The following DISC1 variants were observed in gnomAD, a reference collection of about 807,000 sequenced individuals.
DISC1 encodes DISC1 scaffold protein.
Under a neutral mutation model 84.5 loss-of-function variants are expected in DISC1, and 57 were observed. That is an observed-to-expected ratio of 0.67 (90% CI 0.55 to 0.84). The LOEUF is 0.84. Ranked by LOEUF, DISC1 falls within the 40% of genes least tolerant of loss-of-function variation. DISC1 has a pLI of 0.00. For missense variants in DISC1, 1,000 were observed against 1,057.8 expected (o/e 0.95, Z 0.76); for synonymous variants, 411 against 415.2 (o/e 0.99, Z 0.12).
intron 3 of DISC1, among the ~76,000 whole-genome samples, chr1:231,745,986 T>C (rs12066910): frequency 0.25 from 38,510 of 152,094 alleles, 5,399 homozygotes; most frequent in East Asian, 0.43. Context: ...TGCCACGTGA[T>C]GTGCCTGCTC....
At position 231,846,020 on chromosome 1, in the gene DISC1, A is replaced by C. The variant is rs141823047; in HGVS notation, c.1981+27503A>C. 5.5e-3 allele frequency among the ~76,000 whole-genome samples: 839 copies of C among 152,208 alleles called. 5 individuals are homozygous for C. The highest frequency in any genetic ancestry group is 0.019 in the African/African-American group (783 of 41,534). On this transcript the variant is annotated intron_variant, in intron 9 of 12. Coordinates refer to ENST00000439617, the MANE Select transcript of DISC1 (RefSeq NM_018662.3). ...GAAGGGGGATGTCCCAGATGAGAGC[A>C]ATGAGAAGGACAGCTTGGGGTGAAG...
chr1:231,835,548 G>A (rs2125838708), intron 9 of DISC1, among the ~76,000 whole-genome samples: 1 of 152,262 alleles, frequency 6.6e-6, no homozygotes, highest in African/African-American at 2.4e-5. Context: ...CACTTCTTTT[G>A]TGGTGGAATG....
intron 10 of DISC1, among the ~76,000 whole-genome samples, chr1:231,962,585 C>G (rs560472761): frequency 6.6e-6 from 1 of 152,004 alleles, no homozygotes; most frequent in African/African-American, 2.4e-5. Context: ...ATCAAGGTGC[C>G]GGTATAAAAG....
chr1:231,973,101 C>T (rs1662251725), intron 10 of DISC1, among the ~76,000 whole-genome samples: 1 of 146,654 alleles, frequency 6.8e-6, no homozygotes, highest in African/African-American at 2.5e-5. Context: ...GGCTGGAGTG[C>T]AGTGGTGTAA....
At chr1:231,831,598 T>C (rs1157381751) in intron 9 of DISC1, among the ~76,000 whole-genome samples, 2 of 152,338 alleles carry the variant, frequency 1.3e-5, no homozygotes, top group African/African-American at 4.8e-5. Flanking sequence ...ATCTGACGCC[T>C]TTTGATGGCC....
intron 9 of DISC1, among the ~76,000 whole-genome samples, chr1:231,930,348 C>G (rs11122376): frequency 0.17 from 25,323 of 152,076 alleles, 2,313 homozygotes; most frequent in Non-Finnish European, 0.21. Flanking sequence ...TCTTTTCACC[C>G]TAACATTTCC....
At chr1:231,969,105 G>A (rs186921719) in intron 10 of DISC1, among the ~76,000 whole-genome samples, 8 of 151,704 alleles carry the variant, frequency 5.3e-5, no homozygotes, top group Admixed American at 4.6e-4. Context: ...TGAAATTGTG[G>A]GGAGCAGAGA....
intron 4 of DISC1, among the ~76,000 whole-genome samples, chr1:231,763,044 C>T (rs2075893540): frequency 6.6e-6 from 1 of 152,206 alleles, no homozygotes; most frequent in South Asian, 2.1e-4. Context: ...CACTGCCCTG[C>T]TGATAGCCAC....
intron 9 of DISC1, among the ~76,000 whole-genome samples, chr1:231,857,272 A>G (rs966757130): frequency 6.6e-6 from 1 of 152,206 alleles, no homozygotes; most frequent in Non-Finnish European, 1.5e-5. Flanking sequence ...CCCAAGTACA[A>G]ATTTATTTCA....
At chr1:232,034,415 G>A (rs770451925) in intron 12 of DISC1, among the ~76,000 whole-genome samples, 1 of 152,228 alleles carries the variant, frequency 6.6e-6, no homozygotes, top group East Asian at 1.9e-4. Flanking sequence ...TAGCTAGGGA[G>A]TTATCTCCTC....
At chr1:231,730,391 C>G (rs1339339914) in intron 3 of DISC1, among the ~76,000 whole-genome samples, 1 of 152,212 alleles carries the variant, frequency 6.6e-6, no homozygotes, top group Non-Finnish European at 1.5e-5. Flanking sequence ...CTCCACATTC[C>G]TGCAGCCAGT....
chr1:231,634,838 G>C (rs2059057214), intron 1 of DISC1, among the ~76,000 whole-genome samples: 1 of 151,958 alleles, frequency 6.6e-6, no homozygotes, highest in Non-Finnish European at 1.5e-5. Context: ...TTGAGGCCAG[G>C]AGTTCAAGGT....
chr1:231,811,754 G>T (rs939103660), intron 8 of DISC1, among the ~76,000 whole-genome samples: 17 of 152,252 alleles, frequency 1.1e-4, no homozygotes, highest in Non-Finnish European at 2.2e-4. Flanking sequence ...TTCTACCCAG[G>T]TGTTGACTAA....
At chr1:231,992,825 C>T (rs1039087383) in intron 10 of DISC1, among the ~76,000 whole-genome samples, 1 of 152,152 alleles carries the variant, frequency 6.6e-6, no homozygotes, top group African/African-American at 2.4e-5. Flanking sequence ...TTGAATGTAG[C>T]TTCCCTGAGT....
At chr1:231,857,324 T>C (rs1334108176) in intron 9 of DISC1, among the ~76,000 whole-genome samples, 1 of 152,252 alleles carries the variant, frequency 6.6e-6, no homozygotes, top group Non-Finnish European at 1.5e-5. Flanking sequence ...CATTTCGAAG[T>C]CATGTGTTGA....
chr1:231,985,841 C>A (rs751690131), intron 10 of DISC1, among the ~76,000 whole-genome samples: 7 of 152,212 alleles, frequency 4.6e-5, no homozygotes, highest in Non-Finnish European at 8.8e-5. Flanking sequence ...TGACTCATCA[C>A]ATGAGTTCCT....
At position 231,818,409 on chromosome 1, in the gene DISC1, C is replaced by T. The variant is rs1408640107; in HGVS notation, c.1873C>T (p.Leu625Phe). 1.2e-6 allele frequency: 2 copies of T among 1,614,166 alleles called. No individual in the cohort carries two copies. Among genetic ancestry groups the T allele is most frequent in the Middle Eastern group, 3.3e-4 (2 of 6,060 alleles). The part of the protein sequence containing the change: ...TSEREGLEGL[L>F]SKLLVLSSRN... Reference sequence around the variant, plus strand: ...AGAGAGAGAAGGGCTGGAGGGACTCCTCAGCAAGCTGTTGGTGTTGAGTTC... The same window carrying T: ...AGAGAGAGAAGGGCTGGAGGGACTCTTCAGCAAGCTGTTGGTGTTGAGTTC... The change falls in exon 9 of 13, where the codon CTC becomes TTC. Residue 625 changes from leucine (L) to phenylalanine (F), a missense_variant. By Grantham distance (22) the Leu-to-Phe change is conservative (BLOSUM62 0). Coordinates refer to ENST00000439617, the MANE Select transcript of DISC1 (RefSeq NM_018662.3).
chr1:231,676,051 G>C (rs2063121465), intron 1 of DISC1, among the ~76,000 whole-genome samples: 1 of 152,124 alleles, frequency 6.6e-6, no homozygotes, highest in Non-Finnish European at 1.5e-5. Context: ...GTTTCACTGT[G>C]TTGGTCAGGC....
rs1028662652 is a variant in DISC1, at chr1:231,961,158, C to T, written c.2042+2270C>T. The stretch of plus-strand genomic sequence containing the variant: ...TGGGGACATCACTGGATAGGTGTGA[C>T]TGAAGTATGGACAACCATGTAGCAA... On this transcript the variant is annotated intron_variant, in intron 10 of 12. Coordinates refer to ENST00000439617, the MANE Select transcript of DISC1 (RefSeq NM_018662.3). Among the ~76,000 whole-genome samples, 6 of 152,270 alleles carry T rather than the reference C, an allele frequency of 3.9e-5. No homozygotes were observed. In the East Asian group the frequency reaches 1.2e-3, roughly 29 times the overall value.
Sources: gnomAD v4.1 joint callset for allele counts (sites outside exome capture counted in the v4.1 genomes callset) on GRCh38, gnomAD v4.1.1 for gene constraint, MANE v1.5 for transcripts, NCBI Gene and HGNC (gene_info 2026-07-23, HGNC 2026-07-21) for gene names.